Variants in ITGA4 observed in about 807,000 individuals in gnomAD.
The protein encoded by ITGA4 is integrin subunit alpha 4.
Under a neutral mutation model 133.6 loss-of-function variants are expected in ITGA4, and 63 were observed. That is an observed-to-expected ratio of 0.47 (90% confidence interval 0.38 to 0.58). ITGA4 has a LOEUF of 0.58. Ranked by LOEUF, ITGA4 falls within the 20% of genes least tolerant of loss-of-function variation. The pLI, the probability that ITGA4 is intolerant of heterozygous loss-of-function variation, is 0.00. For missense variants in ITGA4, 1,076 were observed against 1,252.7 expected (o/e 0.86, Z 2.13); for synonymous variants, 483 against 438.0 (o/e 1.10, Z -1.28).
intron 10 of ITGA4, among the ~76,000 whole-genome samples, chr2:181,487,871 AC>A (rs1685957478): frequency 6.6e-6 from 1 of 152,148 alleles, no homozygotes; most frequent in African/African-American, 2.4e-5. Context: ...CCTAATAAAG[AC>A]CTATGGATAA....
chr2:181,461,605 C>T (rs1574372819), intron 2 of ITGA4, among the ~76,000 whole-genome samples: 2 of 151,986 alleles, frequency 1.3e-5, no homozygotes, highest in East Asian at 1.9e-4. Flanking sequence ...AAGCATAGTC[C>T]ATCCATGGAC....
intron 4 of ITGA4, chr2:181,475,823 G>A (rs943517703): frequency 1.9e-6 from 3 of 1,601,600 alleles, no homozygotes; most frequent in South Asian, 2.3e-5. Context: ...GCTATAGGTA[G>A]CATCAGCAAG....
intron 16 of ITGA4, among the ~76,000 whole-genome samples, chr2:181,511,398 G>A (rs1004710464): frequency 6.6e-6 from 1 of 152,018 alleles, no homozygotes; most frequent in African/African-American, 2.4e-5. Context: ...CATCTTGGCA[G>A]CTAATAAACT....
Position 181,511,680 on chromosome 2 carries a change from GT to G in ITGA4, c.1846-17del, listed in dbSNP as rs1686508597. 7.2e-7 allele frequency: 1 copy of G among 1,383,180 alleles called. No homozygotes were observed. The highest frequency in any genetic ancestry group is 1.0e-6 in the Non-Finnish European group (1 of 976,074). The allele number at this position is 1,383,180 out of a possible 1,614,324, so 85.7% of individuals were successfully genotyped here. ...TGCTGATTAAATCAAAATAAAAAAC[GT>G]TGTCTTTTTATTTCCAGATAAACTT... On this transcript the variant is annotated intron_variant, in intron 16 of 27. Transcript: ENST00000397033.
rs918705419 is a variant in ITGA4, at chr2:181,537,944, G to T, written c.*2417G>T. ...GCAGCAGCATTAGATTCTCATAGAAGTGCGAACCATATGGTGAACTGGTAT... is the reference window on the plus strand; with the variant it reads ...GCAGCAGCATTAGATTCTCATAGAATTGCGAACCATATGGTGAACTGGTAT... On this transcript the variant is annotated 3_prime_UTR_variant, in exon 28 of 28. Coordinates refer to ENST00000397033, the MANE Select transcript of ITGA4 (RefSeq NM_000885.6). 4 of 618,796 alleles carry T rather than the reference G, an allele frequency of 6.5e-6. No homozygotes were observed. The highest frequency in any genetic ancestry group is 5.4e-5 in the African/African-American group (3 of 55,242). 38.3% of individuals were successfully genotyped at this position (618,796 alleles called of 1,614,324 possible).
Position 181,534,344 on chromosome 2 carries a change from C to A in ITGA4, c.2857C>A (p.Leu953Ile), listed in dbSNP as rs199618280. ...AGAGCCAAATCCAAGAGTAATTGAA[C>A]TAAACAAGGATGAGAATGTTGCGCA... ...FPEPNPRVIE[L>I]NKDENVAHVL... is the part of the protein sequence containing the mutation. The change falls in exon 26 of 28, where the codon CTA (leucine) becomes ATA (isoleucine). Residue 953 changes from leucine to isoleucine, a missense_variant. Leu to Ile is a conservative substitution (Grantham distance 5). Coordinates refer to ENST00000397033, the MANE Select transcript of ITGA4 (RefSeq NM_000885.6). 2 of 1,604,912 alleles carry A rather than the reference C, an allele frequency of 1.2e-6. No individual in the cohort carries two copies. Among genetic ancestry groups the A allele is most frequent in the African/African-American group, 1.3e-5 (1 of 74,802 alleles).
Position 181,538,322 on chromosome 2 carries a change from C to A in ITGA4, c.*2795C>A. On this transcript the variant is annotated 3_prime_UTR_variant, in exon 28 of 28. Transcript: ENST00000397033. ...ACCTAATAAGTATGGTACACAATGC[C>A]AATGCCAAATACAAATTGATAACAA... 1.3e-6 allele frequency: 1 copy of A among 799,744 alleles called. No individual in the cohort carries two copies. The allele number at this position is 799,744 out of a possible 1,614,324, so 49.5% of individuals were successfully genotyped here.
chr2:181,497,911 AGCAGATGAATATTTACTAT>A (rs1207674973), intron 14 of ITGA4, among the ~76,000 whole-genome samples: 1 of 151,066 alleles, frequency 6.6e-6, no homozygotes, highest in African/African-American at 2.4e-5. Flanking sequence ...GATCTTCATG[AGCAGATGAATATTTACTAT>A]TTCAGATTTG....
chr2:181,511,620 G>A, intron 16 of ITGA4, 79 bp from the exon 17 acceptor site: 2 of 720,122 alleles, frequency 2.8e-6, no homozygotes, highest in Non-Finnish European at 4.9e-6. Context: ...ATGCATCACA[G>A]GTGTCGTCAT....
intron 2 of ITGA4, among the ~76,000 whole-genome samples, chr2:181,460,363 T>C (rs1480573971): frequency 6.6e-6 from 1 of 152,216 alleles, no homozygotes; most frequent in African/African-American, 2.4e-5. Flanking sequence ...GTAAAGAAAC[T>C]GCCTCTCTAT....
At chr2:181,503,539 A>G (rs1206435439) in intron 15 of ITGA4, among the ~76,000 whole-genome samples, 1 of 149,628 alleles carries the variant, frequency 6.7e-6, no homozygotes, top group African/African-American at 2.5e-5. Context: ...TGTTCCTCAT[A>G]AAATAAGAAA....
chr2:181,537,821 TTGTTAGTAAC>T lies in ITGA4; in HGVS notation c.*2295_*2304del, dbSNP rs1687242062. The T allele has an allele frequency of 2.1e-6, 1 of 477,618 alleles. No individual in the cohort carries two copies. The highest frequency in any genetic ancestry group is 4.1e-6 in the Non-Finnish European group (1 of 242,774). The allele number at this position is 477,618 out of a possible 1,614,324, so 29.6% of individuals were successfully genotyped here. ...TGACTTTTAAAGCCCTAGAGGCTAA[TTGTTAGTAAC>T]ATCAATTTCTATTAGGATATCCGTT... On this transcript the variant is annotated 3_prime_UTR_variant, in exon 28 of 28. Coordinates refer to ENST00000397033, the MANE Select transcript of ITGA4 (RefSeq NM_000885.6).
At chr2:181,520,442 A>G (rs191972449) in intron 17 of ITGA4, among the ~76,000 whole-genome samples, 17 of 152,098 alleles carry the variant, frequency 1.1e-4, no homozygotes, top group Middle Eastern at 3.4e-3. Flanking sequence ...TCTTATCTTG[A>G]AGGCAATGTA....
At chr2:181,467,004 T>C (rs535512833) in intron 2 of ITGA4, among the ~76,000 whole-genome samples, 5 of 152,164 alleles carry the variant, frequency 3.3e-5, no homozygotes, top group Non-Finnish European at 1.5e-5. Flanking sequence ...TTTGAATTGA[T>C]TTTCTCACTT....
At chr2:181,502,532 C>T (rs1035904880) in intron 15 of ITGA4, among the ~76,000 whole-genome samples, 11 of 152,044 alleles carry the variant, frequency 7.2e-5, no homozygotes, top group African/African-American at 2.7e-4. Flanking sequence ...TCTAGATAGG[C>T]ATGTGCATGA....
chr2:181,513,496 G>A (rs2105758940), intron 17 of ITGA4, among the ~76,000 whole-genome samples: 1 of 152,106 alleles, frequency 6.6e-6, no homozygotes, highest in Non-Finnish European at 1.5e-5. Flanking sequence ...TATCCATCAT[G>A]CTTTGCTATC....
At position 181,469,391 on chromosome 2, in the gene ITGA4, C is replaced by T. The variant is rs561671214; in HGVS notation, c.320-5569C>T. Among the ~76,000 whole-genome samples, 18 of 152,158 alleles carry T rather than the reference C, an allele frequency of 1.2e-4. No homozygotes were observed. In the South Asian group the frequency reaches 1.9e-3, roughly 16 times the overall value. ...ACACCAATCCGTAAACTTAGAATGGCGATCATTAAAAAGTCAGGAAACAAC... is the reference window on the plus strand; with the variant it reads ...ACACCAATCCGTAAACTTAGAATGGTGATCATTAAAAAGTCAGGAAACAAC... On this transcript the variant is annotated intron_variant, in intron 2 of 27. Transcript: ENST00000397033.
chr2:181,524,162 G>C lies in ITGA4; in HGVS notation c.2170-9G>C. 2 of 1,581,952 alleles carry C rather than the reference G, an allele frequency of 1.3e-6. No individual in the cohort carries two copies. The highest frequency in any genetic ancestry group is 1.7e-6 in the Non-Finnish European group (2 of 1,162,264). ...TTTTTAATGGGCTTTCCTGGTCTGT[G>C]TTTTACAGATAGATATTAGCTTTCT... On this transcript the variant is annotated splice_polypyrimidine_tract_variant and intron_variant, in intron 19 of 27. Coordinates refer to ENST00000397033, the MANE Select transcript of ITGA4 (RefSeq NM_000885.6).
At chr2:181,497,486 A>C (rs1009080217) in intron 14 of ITGA4, among the ~76,000 whole-genome samples, 2 of 152,070 alleles carry the variant, frequency 1.3e-5, no homozygotes, top group Admixed American at 6.6e-5. Flanking sequence ...TATCAATTGC[A>C]GTGCTATTTC....
Sources: allele counts gnomAD v4.1 joint callset (sites outside exome capture counted in the v4.1 genomes callset), GRCh38; gene constraint gnomAD v4.1.1; transcripts MANE v1.5; gene names NCBI Gene and HGNC (gene_info 2026-07-23, HGNC 2026-07-21).